P3H2: variants seen among roughly 807,000 people sequenced by gnomAD.
P3H2 encodes the protein leprecan-like 1.
Under a neutral mutation model 87.0 loss-of-function variants are expected in P3H2, and 80 were observed. The ratio of observed to expected loss-of-function variants is 0.92; its 90% CI spans 0.77 to 1.11. The LOEUF (loss-of-function observed/expected upper bound fraction) is 1.11, where lower values mean the gene tolerates loss of function less well. Among genes scored for constraint, P3H2 ranks in the 50% least tolerant of loss-of-function variants. The probability of loss-of-function intolerance (pLI) is 0.00; values close to 1 mark genes in which losing one functional copy is unlikely to be tolerated. For synonymous variants in P3H2, 367 were observed against 359.3 expected (o/e 1.02, Z -0.24); for missense variants, 1,001 against 923.9 (o/e 1.08, Z -1.08).
chr3:190,013,874 G>T (rs1217559058), intron 1 of P3H2, among the ~76,000 whole-genome samples: 2 of 152,142 alleles, frequency 1.3e-5, no homozygotes, highest in Admixed American at 1.3e-4. Flanking sequence ...ATTACACTGA[G>T]ATCAAGAATT....
At chr3:190,030,309 T>C (rs1283342053) in intron 1 of P3H2, among the ~76,000 whole-genome samples, 1 of 152,210 alleles carries the variant, frequency 6.6e-6, no homozygotes. Context: ...TGGTGGTAAA[T>C]ACCTATAATT....
At chr3:190,087,093 T>C (rs1326475726) in intron 1 of P3H2, among the ~76,000 whole-genome samples, 1 of 152,228 alleles carries the variant, frequency 6.6e-6, no homozygotes, top group Non-Finnish European at 1.5e-5. Context: ...TTCATCTCCC[T>C]AGACTAAATT....
At chr3:190,064,857 T>G (rs1726447131) in intron 1 of P3H2, among the ~76,000 whole-genome samples, 1 of 152,288 alleles carries the variant, frequency 6.6e-6, no homozygotes, top group African/African-American at 2.4e-5. Flanking sequence ...TCTTGTTTTG[T>G]GTCAGCCAGT....
At chr3:190,097,936 G>A (rs1406259593) in intron 1 of P3H2, among the ~76,000 whole-genome samples, 1 of 152,126 alleles carries the variant, frequency 6.6e-6, no homozygotes, top group Admixed American at 6.5e-5. Context: ...ATTTATGTAA[G>A]CGCAATAGCA....
At chr3:190,029,858 A>G (rs1461682021) in intron 1 of P3H2, among the ~76,000 whole-genome samples, 1 of 151,918 alleles carries the variant, frequency 6.6e-6, no homozygotes, top group Non-Finnish European at 1.5e-5. Context: ...AAAAATTAGA[A>G]GGGCATGGTG....
rs140030826 is a variant in P3H2 at position 190,008,996 on chromosome 3, A to C, written c.481-13554T>G. ...AACTTCTGAATAGATGGATCTGAAA[A>C]GTCTTCATGGGGATCTTACTACAAA... On this transcript the variant is annotated intron_variant, in intron 1 of 14. Transcript: ENST00000319332. 8.6e-4 allele frequency among the ~76,000 whole-genome samples: 131 copies of C among 152,328 alleles called. 1 individual carries two copies. The highest frequency in any genetic ancestry group is 3.0e-3 in the African/African-American group (124 of 41,558).
chr3:190,045,322 G>C (rs954900018), intron 1 of P3H2, among the ~76,000 whole-genome samples: 1 of 152,142 alleles, frequency 6.6e-6, no homozygotes, highest in African/African-American at 2.4e-5. Flanking sequence ...TATAAGCTTC[G>C]TGGCAGCTAA....
At chr3:190,008,656 C>T (rs572069254) in intron 1 of P3H2, among the ~76,000 whole-genome samples, 27 of 152,254 alleles carry the variant, frequency 1.8e-4, no homozygotes, top group African/African-American at 5.8e-4. Flanking sequence ...GAAAAGACTG[C>T]CACTATGCAC....
chr3:189,998,183 T>C (rs900680198), intron 1 of P3H2, among the ~76,000 whole-genome samples: 1 of 125,940 alleles, frequency 7.9e-6, no homozygotes, highest in African/African-American at 2.5e-5. Context: ...GAACACATAA[T>C]ATAAGAGGAT....
At chr3:190,024,080 G>C (rs1371146585) in intron 1 of P3H2, among the ~76,000 whole-genome samples, 4 of 152,164 alleles carry the variant, frequency 2.6e-5, no homozygotes, top group Non-Finnish European at 5.9e-5. Flanking sequence ...TGGTGCCCCT[G>C]CAGTTTTTTT....
intron 1 of P3H2, among the ~76,000 whole-genome samples, chr3:190,088,977 A>T (rs2108984350): frequency 6.6e-6 from 1 of 152,282 alleles, no homozygotes; most frequent in South Asian, 2.1e-4. Context: ...AACCAGAGGG[A>T]ACAAGAAATA....
chr3:189,966,121 GAA>G (rs372324965), intron 13 of P3H2, among the ~76,000 whole-genome samples: 8,301 of 65,248 alleles, frequency 0.13, 292 homozygotes, highest in East Asian at 0.19. Flanking sequence ...AAGAAAGAAA[GAA>G]AAAGAAAGAA....
At chr3:190,026,264 T>C (rs1258160546) in intron 1 of P3H2, among the ~76,000 whole-genome samples, 2 of 152,298 alleles carry the variant, frequency 1.3e-5, no homozygotes, top group South Asian at 2.1e-4. Context: ...TCAGAGACGT[T>C]TGAACCAGAG....
intron 1 of P3H2, among the ~76,000 whole-genome samples, chr3:190,034,853 C>CTTTTCT (rs571246974): frequency 1.4e-4 from 19 of 140,288 alleles, no homozygotes; most frequent in African/African-American, 2.7e-4. Context: ...CTTTTCTTTT[C>CTTTTCT]TTTTTTTTTT....
At chr3:189,990,801 A>G (rs1288292419) in intron 3 of P3H2, among the ~76,000 whole-genome samples, 1 of 152,206 alleles carries the variant, frequency 6.6e-6, no homozygotes, top group Non-Finnish European at 1.5e-5. Flanking sequence ...CTTAAATGAC[A>G]TTGTGCAATT....
chr3:190,067,212 T>C (rs1449736857), intron 1 of P3H2, among the ~76,000 whole-genome samples: 3 of 152,056 alleles, frequency 2.0e-5, no homozygotes, highest in African/African-American at 7.2e-5. Flanking sequence ...TCATACCTTT[T>C]GCAGACATGA....
At chr3:190,121,104 G>A (rs1387843841), upstream of P3H2, 1 of 257,346 alleles carries the variant, frequency 3.9e-6, no homozygotes, top group African/African-American at 2.3e-5. Flanking sequence ...GCTCCCTTCT[G>A]GTTGTACAAG....
chr3:190,052,511 C>T (rs1726013936), intron 1 of P3H2, among the ~76,000 whole-genome samples: 1 of 152,052 alleles, frequency 6.6e-6, no homozygotes, highest in African/African-American at 2.4e-5. Context: ...ATAGTTTTAG[C>T]TCACATTGAT....
At chr3:190,069,674 TC>T (rs1225088217) in intron 1 of P3H2, among the ~76,000 whole-genome samples, 1 of 152,146 alleles carries the variant, frequency 6.6e-6, no homozygotes, top group African/African-American at 2.4e-5. Flanking sequence ...AGAGAAAATG[TC>T]CAGTTAAATA....
Sources: gnomAD v4.1 joint callset for allele counts (sites outside exome capture counted in the v4.1 genomes callset) on GRCh38, gnomAD v4.1.1 for gene constraint, MANE v1.5 for transcripts, NCBI Gene and HGNC (gene_info 2026-07-23, HGNC 2026-07-21) for gene names.